Variants in ZDHHC2 observed in about 807,000 individuals in gnomAD.
The protein encoded by ZDHHC2 is zDHHC palmitoyltransferase 2.
A neutral mutation model predicts 55.6 loss-of-function variants in ZDHHC2; 51 were observed. That is an observed-to-expected ratio of 0.92 (90% CI 0.73 to 1.16). The LOEUF is 1.16. ZDHHC2 is among the 50% of genes most tolerant of loss of function. The probability of loss-of-function intolerance (pLI) is 0.00; values close to 1 mark genes in which losing one functional copy is unlikely to be tolerated. For synonymous variants in ZDHHC2, 199 were observed against 152.9 expected (o/e 1.30, Z -2.22); for missense variants, 491 against 442.4 (o/e 1.11, Z -0.99).
intron 5 of ZDHHC2, 36 bp from the exon 6 acceptor site, chr8:17,198,345 G>T: frequency 6.4e-7 from 1 of 1,553,364 alleles, no homozygotes; most frequent in Non-Finnish European, 8.7e-7. Context: ...AAAATTTCAT[G>T]GGGTATTAGG....
chr8:17,197,186 G>A (rs897935194), intron 4 of ZDHHC2, among the ~76,000 whole-genome samples: 1 of 152,082 alleles, frequency 6.6e-6, no homozygotes, highest in Non-Finnish European at 1.5e-5. Context: ...GCAAAAACCT[G>A]GTGTCCTTAT....
chr8:17,212,799 CT>C (rs200518007), intron 10 of ZDHHC2, among the ~76,000 whole-genome samples: 12 of 149,354 alleles, frequency 8.0e-5, no homozygotes, highest in East Asian at 7.9e-4. Flanking sequence ...GACAGTCATT[CT>C]TTTTTTTTTC....
chr8:17,179,990 A>T (rs1266719828), intron 1 of ZDHHC2, among the ~76,000 whole-genome samples: 3 of 152,224 alleles, frequency 2.0e-5, no homozygotes. Context: ...TGAAATTAAA[A>T]TTAAAATTGT....
At chr8:17,211,909 C>A (rs1451641930) in intron 10 of ZDHHC2, among the ~76,000 whole-genome samples, 1 of 152,000 alleles carries the variant, frequency 6.6e-6, no homozygotes, top group African/African-American at 2.4e-5. Context: ...ATTCAGAATA[C>A]GTTTCAAGCT....
rs1807890881 is a variant in ZDHHC2 at position 17,220,922 on chromosome 8, G to C, written c.*701G>C. On this transcript the variant is annotated 3_prime_UTR_variant, in exon 13 of 13. Transcript: ENST00000262096. ...GCTGGAATACTTTTGTCAGAATACG[G>C]TACATTTCTATTACATCAGAAATAT... The C allele has an allele frequency of 6.6e-6, 1 of 152,096 alleles. No individual in the cohort carries two copies. The highest frequency in any genetic ancestry group is 2.1e-4 in the South Asian group (1 of 4,832). 9.4% of individuals were successfully genotyped at this position (152,096 alleles called of 1,614,324 possible).
chr8:17,161,619 A>T (rs906745673), intron 1 of ZDHHC2, among the ~76,000 whole-genome samples: 26 of 152,298 alleles, frequency 1.7e-4, no homozygotes, highest in Non-Finnish European at 2.9e-4. Context: ...GCACTTTGGG[A>T]GGCCAAGGTG....
intron 1 of ZDHHC2, among the ~76,000 whole-genome samples, chr8:17,174,116 G>A (rs1805006196): frequency 6.7e-6 from 1 of 149,304 alleles, no homozygotes; most frequent in Non-Finnish European, 1.5e-5. Context: ...TTTTAACAAG[G>A]TCTTGCTCTG....
chr8:17,185,692 G>T (rs1229465185), intron 2 of ZDHHC2, among the ~76,000 whole-genome samples: 1 of 151,970 alleles, frequency 6.6e-6, no homozygotes, highest in Non-Finnish European at 1.5e-5. Flanking sequence ...AGAAAATTTT[G>T]GATAGTATTT....
rs1466786482 is a variant in ZDHHC2 at position 17,221,990 on chromosome 8, T to G, written c.*1769T>G. 4.0e-5 allele frequency: 6 copies of G among 149,950 alleles called. No homozygotes were observed. Among genetic ancestry groups the G allele is most frequent in the African/African-American group, 4.9e-5 (2 of 40,522 alleles). The allele number at this position is 149,950 out of a possible 1,614,324, so 9.3% of individuals were successfully genotyped here. ...TATGAAGTCAGGTTTGTTTTTTTTTTTTTTTTTTTTTCAAAGCACAGTACT... is the reference window on the plus strand; with the variant it reads ...TATGAAGTCAGGTTTGTTTTTTTTTGTTTTTTTTTTTCAAAGCACAGTACT... On this transcript the variant is annotated 3_prime_UTR_variant, in exon 13 of 13. Transcript: ENST00000262096.
At chr8:17,179,700 C>G (rs1304135214) in intron 1 of ZDHHC2, among the ~76,000 whole-genome samples, 1 of 152,196 alleles carries the variant, frequency 6.6e-6, no homozygotes, top group East Asian at 1.9e-4. Flanking sequence ...CGTGGGCCGC[C>G]CAGCCCAAAA....
chr8:17,218,814 C>G (rs1585748819), intron 12 of ZDHHC2, among the ~76,000 whole-genome samples: 1 of 152,192 alleles, frequency 6.6e-6, no homozygotes, highest in African/African-American at 2.4e-5. Flanking sequence ...GTTTTGTTTT[C>G]TTAAACTTTC....
At chr8:17,166,374 G>A (rs774198465) in intron 1 of ZDHHC2, among the ~76,000 whole-genome samples, 2 of 152,156 alleles carry the variant, frequency 1.3e-5, no homozygotes, top group African/African-American at 2.4e-5. Flanking sequence ...ACAACCGAAA[G>A]GATGATCAGT....
intron 7 of ZDHHC2, 120 bp downstream of exon 7, chr8:17,205,895 G>A (rs925690779): frequency 1.1e-6 from 1 of 948,972 alleles, no homozygotes; most frequent in Admixed American, 3.1e-5. Flanking sequence ...CATGCAGTCA[G>A]TCCTCATTAT....
At chr8:17,210,274 C>T in intron 9 of ZDHHC2, 114 bp from the exon 10 acceptor site, 2 of 1,143,894 alleles carry the variant, frequency 1.7e-6, no homozygotes, top group Non-Finnish European at 1.2e-6. Flanking sequence ...GTCTAATACA[C>T]ATTTTTTTTG....
chr8:17,224,504 A>C lies in ZDHHC2; in HGVS notation c.*4283A>C, dbSNP rs1245077154. On this transcript the variant is annotated 3_prime_UTR_variant, in exon 13 of 13. Coordinates refer to ENST00000262096, the MANE Select transcript of ZDHHC2 (RefSeq NM_016353.5). ...TGATTTATGTTGCATCTTCCGGGGA[A>C]GGTTTAACAGTACAAGGAGCTGAAT... The C allele has an allele frequency of 6.6e-6, 1 of 151,696 alleles. No individual in the cohort carries two copies. Among genetic ancestry groups the C allele is most frequent in the East Asian group, 1.9e-4 (1 of 5,202 alleles). The allele number at this position is 151,696 out of a possible 1,614,324, so 9.4% of individuals were successfully genotyped here.
chr8:17,191,484 G>A (rs1226400213), intron 3 of ZDHHC2, among the ~76,000 whole-genome samples: 1 of 152,160 alleles, frequency 6.6e-6, no homozygotes, highest in Non-Finnish European at 1.5e-5. Flanking sequence ...CCCAGCCTCT[G>A]GTTGCCATCC....
chr8:17,175,016 C>T (rs540219976), intron 1 of ZDHHC2, among the ~76,000 whole-genome samples: 8 of 152,208 alleles, frequency 5.3e-5, no homozygotes, highest in South Asian at 2.1e-4. Flanking sequence ...TGTGAGCCAC[C>T]GCACCCAGTC....
At chr8:17,171,057 A>G (rs1563142343) in intron 1 of ZDHHC2, among the ~76,000 whole-genome samples, 1 of 152,164 alleles carries the variant, frequency 6.6e-6, no homozygotes, top group Non-Finnish European at 1.5e-5. Flanking sequence ...AGGGTGTAGT[A>G]TCCACCATAG....
intron 1 of ZDHHC2, among the ~76,000 whole-genome samples, chr8:17,184,069 G>C (rs1805574996): frequency 6.6e-6 from 1 of 152,168 alleles, no homozygotes; most frequent in African/African-American, 2.4e-5. Flanking sequence ...AACTTCCAAA[G>C]ACTCTAGTAC....
Sources: gnomAD v4.1 joint callset for allele counts (sites outside exome capture counted in the v4.1 genomes callset) on GRCh38, gnomAD v4.1.1 for gene constraint, MANE v1.5 for transcripts, NCBI Gene and HGNC (gene_info 2026-07-23, HGNC 2026-07-21) for gene names.